The following EBF2 variants were observed in gnomAD, a reference collection of about 807,000 sequenced individuals.
The protein encoded by EBF2 is transcription factor COE2.
EBF2 carries 21 observed loss-of-function variants against 72.8 expected under a neutral mutation model. That is an observed-to-expected ratio of 0.29 (90% CI 0.20 to 0.42). The LOEUF (loss-of-function observed/expected upper bound fraction) is 0.42. EBF2 is among the 10% of genes least tolerant of loss of function. The pLI, the probability that EBF2 is intolerant of heterozygous loss-of-function variation, is 1.00. For missense variants in EBF2, 637 were observed against 731.2 expected (o/e 0.87, Z 1.49); for synonymous variants, 299 against 274.2 (o/e 1.09, Z -0.89).
intron 6 of EBF2, among the ~76,000 whole-genome samples, chr8:25,916,658 T>G (rs188866808): frequency 6.6e-6 from 1 of 151,904 alleles, no homozygotes; most frequent in Non-Finnish European, 1.5e-5. Flanking sequence ...AAACCACACA[T>G]GTCATTAATC....
chr8:26,010,767 C>T (rs1222539189), intron 6 of EBF2, among the ~76,000 whole-genome samples: 9 of 152,168 alleles, frequency 5.9e-5, no homozygotes, highest in Admixed American at 3.3e-4. Context: ...GAGGGCACCG[C>T]GCTGAGGGGA....
chr8:25,890,004 C>A, intron 7 of EBF2, 135 bp from the exon 8 acceptor site: 1 of 715,236 alleles, frequency 1.4e-6, no homozygotes, highest in South Asian at 1.6e-5. Context: ...TGGGACTCAA[C>A]AGAGTTTTCT....
chr8:26,045,079 G>T lies in EBF2; in HGVS notation c.-220C>A, dbSNP rs1419045750. ...GTCAAAGTTTGGGTTCTTATCCTCC[G>T]CAAGTTCAGATCTGCCGCCTCAGCC... On this transcript the variant is annotated 5_prime_UTR_variant, in exon 1 of 16. Transcript: ENST00000520164. 3 of 474,460 alleles carry T rather than the reference G, an allele frequency of 6.3e-6. No individual in the cohort carries two copies. The highest frequency in any genetic ancestry group is 2.9e-5 in the South Asian group (1 of 35,008). 29.4% of individuals were successfully genotyped at this position (474,460 alleles called of 1,614,324 possible).
intron 6 of EBF2, among the ~76,000 whole-genome samples, chr8:25,950,138 G>C (rs1803834337): frequency 6.6e-6 from 1 of 152,186 alleles, no homozygotes; most frequent in Non-Finnish European, 1.5e-5. Flanking sequence ...TCTGAAACGA[G>C]GTGCCCCACT....
chr8:25,868,407 T>C (rs1471026967), intron 10 of EBF2, among the ~76,000 whole-genome samples: 1 of 152,220 alleles, frequency 6.6e-6, no homozygotes, highest in Non-Finnish European at 1.5e-5. Context: ...AAATTTGTCT[T>C]CCCACATTCT....
intron 2 of EBF2, chr8:26,041,474 G>C: frequency 5.5e-6 from 1 of 180,952 alleles, no homozygotes; most frequent in Non-Finnish European, 1.2e-5. Flanking sequence ...GTTCAGGAGG[G>C]ACTTTGGGAA....
intron 6 of EBF2, among the ~76,000 whole-genome samples, chr8:25,914,549 C>T (rs1803179719): frequency 6.6e-6 from 1 of 152,208 alleles, no homozygotes; most frequent in Non-Finnish European, 1.5e-5. Flanking sequence ...GGAGGTCAAG[C>T]TCCCAATGGG....
chr8:26,029,345 A>G (rs1043956864), intron 6 of EBF2, among the ~76,000 whole-genome samples: 1 of 152,224 alleles, frequency 6.6e-6, no homozygotes, highest in Non-Finnish European at 1.5e-5. Context: ...TTAATTGGCC[A>G]TTGATGGTAT....
chr8:25,974,367 G>A (rs1448473046), intron 6 of EBF2, among the ~76,000 whole-genome samples: 5 of 152,216 alleles, frequency 3.3e-5, no homozygotes, highest in African/African-American at 4.8e-5. Flanking sequence ...GAAAGTAAGA[G>A]TAAATGAAAG....
At chr8:26,028,788 A>G (rs545503299) in intron 6 of EBF2, among the ~76,000 whole-genome samples, 2 of 152,348 alleles carry the variant, frequency 1.3e-5, no homozygotes, top group Admixed American at 6.5e-5. Context: ...GCTGAAGGCC[A>G]CAGTAAGAAT....
chr8:25,879,755 G>A (rs533091772), intron 10 of EBF2, among the ~76,000 whole-genome samples: 1 of 152,200 alleles, frequency 6.6e-6, no homozygotes, highest in South Asian at 2.1e-4. Context: ...ACTCTTTCAT[G>A]GCGATCTCAT....
chr8:26,020,529 T>C (rs1295947374), intron 6 of EBF2, among the ~76,000 whole-genome samples: 2 of 151,894 alleles, frequency 1.3e-5, no homozygotes, highest in Non-Finnish European at 2.9e-5. Flanking sequence ...ATTGCCTGAG[T>C]AGGAATCAAG....
chr8:25,998,902 C>T (rs898456804), intron 6 of EBF2, among the ~76,000 whole-genome samples: 6 of 152,164 alleles, frequency 3.9e-5, no homozygotes, highest in South Asian at 2.1e-4. Context: ...TCGTCACCAC[C>T]GTCTCTCTTT....
chr8:26,007,857 AT>A (rs1243208186), intron 6 of EBF2, among the ~76,000 whole-genome samples: 1 of 152,062 alleles, frequency 6.6e-6, no homozygotes, highest in African/African-American at 2.4e-5. Flanking sequence ...AATTACAGAT[AT>A]AAACTAGCCT....
intron 10 of EBF2, among the ~76,000 whole-genome samples, chr8:25,878,068 C>T (rs747410071): frequency 2.6e-5 from 4 of 152,214 alleles, no homozygotes; most frequent in South Asian, 2.1e-4. Context: ...GGTCAGTGAC[C>T]GGATGAAAGT....
At chr8:26,020,043 G>T (rs926992976) in intron 6 of EBF2, among the ~76,000 whole-genome samples, 2 of 152,126 alleles carry the variant, frequency 1.3e-5, no homozygotes, top group Non-Finnish European at 2.9e-5. Context: ...AGCAGGTCAG[G>T]CACAGGATGG....
chr8:25,872,424 G>T (rs572397138), intron 10 of EBF2, among the ~76,000 whole-genome samples: 1 of 152,108 alleles, frequency 6.6e-6, no homozygotes, highest in African/African-American at 2.4e-5. Context: ...TGGATCCTAG[G>T]ATTACCATGG....
At chr8:25,933,478 G>C (rs1033369923) in intron 6 of EBF2, among the ~76,000 whole-genome samples, 11 of 152,162 alleles carry the variant, frequency 7.2e-5, no homozygotes, top group African/African-American at 2.4e-4. Context: ...ATCCACAGCT[G>C]GTGGGAGTAT....
intron 6 of EBF2, among the ~76,000 whole-genome samples, chr8:25,992,738 A>G (rs928311202): frequency 6.6e-6 from 1 of 151,962 alleles, no homozygotes; most frequent in African/African-American, 2.4e-5. Flanking sequence ...CTTCATCGCT[A>G]CAAAAAAATA....
Sources: gnomAD v4.1 joint callset for allele counts (sites outside exome capture counted in the v4.1 genomes callset) on GRCh38, gnomAD v4.1.1 for gene constraint, MANE v1.5 for transcripts, NCBI Gene and HGNC (gene_info 2026-07-23, HGNC 2026-07-21) for gene names.